Variants in PPP1R9A observed in about 807,000 individuals in gnomAD.
PPP1R9A encodes the protein neurabin-1.
PPP1R9A carries 59 observed loss-of-function variants against 141.9 expected under a neutral mutation model. That is an observed-to-expected ratio of 0.42 (90% CI 0.34 to 0.52). The LOEUF is 0.52. PPP1R9A is among the 20% of genes least tolerant of loss of function. The probability of loss-of-function intolerance (pLI) is 0.10; values close to 1 mark genes in which losing one functional copy is unlikely to be tolerated. For synonymous variants in PPP1R9A, 500 were observed against 569.7 expected, an observed-to-expected ratio of 0.88 and a Z score of 1.74; for missense variants, 1,444 against 1,611.9, an observed-to-expected ratio of 0.90 and a Z score of 1.78.
chr7:94,914,869 G>A (rs1255175747), intron 2 of PPP1R9A, among the ~76,000 whole-genome samples: 2 of 152,166 alleles, frequency 1.3e-5, no homozygotes, highest in Non-Finnish European at 2.9e-5. Context: ...TCGGTGGGAC[G>A]TGTACAGCCC....
intron 16 of PPP1R9A, among the ~76,000 whole-genome samples, chr7:95,276,684 AT>A (rs1243932929): frequency 3.3e-5 from 5 of 152,364 alleles, no homozygotes; most frequent in African/African-American, 1.2e-4. Flanking sequence ...CCCAAAAAAA[AT>A]AAAATCATAG....
chr7:95,001,455 A>G (rs1802913092), intron 2 of PPP1R9A, among the ~76,000 whole-genome samples: 1 of 152,150 alleles, frequency 6.6e-6, no homozygotes. Flanking sequence ...GAGGTATTAA[A>G]TCTTTATGGT....
At chr7:95,072,857 TTATATAATATA>T (rs1814159761) in intron 2 of PPP1R9A, among the ~76,000 whole-genome samples, 2 of 103,894 alleles carry the variant, frequency 1.9e-5, no homozygotes, top group East Asian at 2.4e-4. Context: ...ATAATATAAG[TTATATAATATA>T]ATATAATATT....
At position 95,146,967 on chromosome 7, in the gene PPP1R9A, C is replaced by T. The variant is rs10262893; in HGVS notation, c.1650-14900C>T. ...CTTTGTTGTTTTTGCTTAGGATTAT[C>T]TTGGCTATATGGGCTCTTTTGTGGT... On this transcript the variant is annotated intron_variant, in intron 4 of 19. Transcript: ENST00000433360. Among the ~76,000 whole-genome samples, 1,016 of 152,214 alleles carry T rather than the reference C, an allele frequency of 6.7e-3. 12 individuals are homozygous for T. Among genetic ancestry groups the T allele is most frequent in the African/African-American group, 0.024 (980 of 41,544 alleles).
In PPP1R9A at chr7:95,269,398, C is replaced by T. The variant is rs1443433158; in HGVS notation, c.3015C>T (p.Ser1005=). Residue 1005 remains serine (S), a synonymous_variant, in exon 14 of 20, where the codon TCC becomes TCT. Coordinates refer to ENST00000433360, the MANE Select transcript of PPP1R9A (RefSeq NM_001166160.2). The stretch of plus-strand genomic sequence containing the variant: ...TGGACCCAGAAATGGGGCCTCTCTC[C>T]TCTATGTGGGGAGACACTTCACTGT... ...EPLDPEMGPL[S]SMWGDTSLFS... The T allele has an allele frequency of 6.3e-7, 1 of 1,597,576 alleles. No homozygotes were observed. Among genetic ancestry groups the T allele is most frequent in the East Asian group, 2.2e-5 (1 of 44,786 alleles).
At chr7:95,277,456 G>A (rs527694409) in intron 16 of PPP1R9A, among the ~76,000 whole-genome samples, 9 of 152,286 alleles carry the variant, frequency 5.9e-5, no homozygotes, top group Admixed American at 3.3e-4. Flanking sequence ...TTGAGACAGT[G>A]TCTCACTCTG....
intron 18 of PPP1R9A, among the ~76,000 whole-genome samples, chr7:95,286,857 GT>G (rs1316193296): frequency 1.3e-5 from 2 of 152,128 alleles, no homozygotes; most frequent in Admixed American, 1.3e-4. Flanking sequence ...TAGTGATTTA[GT>G]TCCTTGAAAA....
intron 14 of PPP1R9A, 31 bp from the exon 15 acceptor site, chr7:95,273,868 T>G (rs759346482): frequency 6.9e-7 from 1 of 1,444,406 alleles, no homozygotes; most frequent in African/African-American, 1.4e-5. Context: ...ATAATAATAA[T>G]TGATCTTTTT....
At chr7:95,037,260 T>A (rs1222699274) in intron 2 of PPP1R9A, 3 of 152,154 alleles carry the variant, frequency 2.0e-5, no homozygotes, top group Non-Finnish European at 4.4e-5. Flanking sequence ...AATGGAAATT[T>A]TATATATAAA....
chr7:95,050,878 T>C (rs576352488), intron 2 of PPP1R9A, among the ~76,000 whole-genome samples: 14 of 152,398 alleles, frequency 9.2e-5, no homozygotes, highest in Admixed American at 7.2e-4. Flanking sequence ...TATTGCATCA[T>C]TAAATTTTCT....
chr7:95,094,809 G>A (rs1817806232), intron 2 of PPP1R9A, among the ~76,000 whole-genome samples: 1 of 146,822 alleles, frequency 6.8e-6, no homozygotes. Flanking sequence ...GAACCTGGGA[G>A]GCAGAGGTTC....
At chr7:95,038,257 T>C (rs1401009989) in intron 2 of PPP1R9A, among the ~76,000 whole-genome samples, 2 of 152,158 alleles carry the variant, frequency 1.3e-5, no homozygotes, top group African/African-American at 4.8e-5. Context: ...GACAGGTGCC[T>C]CCAGAGAGTC....
At chr7:95,207,669 T>A (rs968127987) in intron 7 of PPP1R9A, among the ~76,000 whole-genome samples, 1 of 152,084 alleles carries the variant, frequency 6.6e-6, no homozygotes, top group Non-Finnish European at 1.5e-5. Flanking sequence ...AGAAATAAAT[T>A]GTAAAGAAAT....
At chr7:95,085,161 A>T (rs1816433449) in intron 2 of PPP1R9A, among the ~76,000 whole-genome samples, 1 of 151,916 alleles carries the variant, frequency 6.6e-6, no homozygotes, top group Non-Finnish European at 1.5e-5. Context: ...TCATGTGTTT[A>T]TTAACCATTA....
chr7:95,052,997 C>G (rs1811025244), intron 2 of PPP1R9A, among the ~76,000 whole-genome samples: 1 of 152,154 alleles, frequency 6.6e-6, no homozygotes, highest in African/African-American at 2.4e-5. Flanking sequence ...TCTAGTCTCC[C>G]CTTCTTCCAG....
intron 8 of PPP1R9A, among the ~76,000 whole-genome samples, chr7:95,242,780 T>C (rs1171357278): frequency 1.3e-5 from 2 of 152,132 alleles, no homozygotes; most frequent in African/African-American, 4.8e-5. Flanking sequence ...CCTGCAGTCC[T>C]TAACCTTTTC....
intron 16 of PPP1R9A, 146 bp downstream of exon 16, chr7:95,274,314 GT>G: frequency 1.3e-6 from 1 of 741,318 alleles, no homozygotes; most frequent in Non-Finnish European, 2.2e-6. Flanking sequence ...TGCACAATTA[GT>G]TTATATTGGT....
intron 7 of PPP1R9A, among the ~76,000 whole-genome samples, chr7:95,224,421 G>T (rs1264182179): frequency 1.3e-5 from 2 of 152,178 alleles, no homozygotes; most frequent in Admixed American, 6.6e-5. Flanking sequence ...TGGGGAGGTA[G>T]AGTGTGAAGG....
intron 19 of PPP1R9A, among the ~76,000 whole-genome samples, chr7:95,289,340 G>C (rs924664422): frequency 2.0e-5 from 3 of 152,310 alleles, no homozygotes; most frequent in African/African-American, 4.8e-5. Context: ...CCCCCTGCTG[G>C]GCTGACGGGC....
Sources: gnomAD v4.1 joint callset for allele counts (sites outside exome capture counted in the v4.1 genomes callset) on GRCh38, gnomAD v4.1.1 for gene constraint, MANE v1.5 for transcripts, NCBI Gene and HGNC (gene_info 2026-07-23, HGNC 2026-07-21) for gene names.